The following ABCA13 variants were observed in gnomAD, a reference collection of about 807,000 sequenced individuals.
The protein encoded by ABCA13 is ATP binding cassette subfamily A member 13.
In ABCA13, 476 loss-of-function variants were observed where a neutral mutation model predicts 478.7. That is an observed-to-expected ratio of 0.99 (90% CI 0.92 to 1.07). ABCA13 has a LOEUF of 1.07. ABCA13 is among the 50% of genes least tolerant of loss of function. The pLI, the probability that ABCA13 is intolerant of heterozygous loss-of-function variation, is 0.00. For synonymous variants in ABCA13, 2,252 were observed against 2,158.9 expected (o/e 1.04, Z -1.20); for missense variants, 6,060 against 5,910.6 (o/e 1.03, Z -0.83).
At chr7:48,624,383 A>C (rs1312793299) in intron 59 of ABCA13, among the ~76,000 whole-genome samples, 5 of 152,236 alleles carry the variant, frequency 3.3e-5, no homozygotes, top group South Asian at 2.1e-4. Context: ...TGATTGACAT[A>C]GGAGGCTTAA....
intron 55 of ABCA13, among the ~76,000 whole-genome samples, chr7:48,545,297 T>C (rs141174791): frequency 6.6e-6 from 1 of 151,756 alleles, no homozygotes; most frequent in Non-Finnish European, 1.5e-5. Flanking sequence ...AGAAAGATAA[T>C]AGGAAAACAT....
intron 3 of ABCA13, among the ~76,000 whole-genome samples, chr7:48,199,767 C>A (rs1411831648): frequency 6.6e-6 from 1 of 152,174 alleles, no homozygotes; most frequent in African/African-American, 2.4e-5. Flanking sequence ...GAGCTTGAGA[C>A]TTAGCAGTGT....
chr7:48,506,809 G>A (rs1026521875), intron 49 of ABCA13, among the ~76,000 whole-genome samples: 2 of 152,156 alleles, frequency 1.3e-5, no homozygotes, highest in African/African-American at 4.8e-5. Flanking sequence ...CATGGGTGGG[G>A]ATAAGGCCAG....
intron 55 of ABCA13, among the ~76,000 whole-genome samples, chr7:48,561,235 T>C (rs1786426777): frequency 2.0e-5 from 3 of 152,170 alleles, no homozygotes; most frequent in Non-Finnish European, 1.5e-5. Context: ...AACATAATGA[T>C]TTCAAATCTT....
rs150155654 is a variant in ABCA13 at position 48,195,398 on chromosome 7, C to T, written c.163+2346C>T. On this transcript the variant is annotated intron_variant, in intron 2 of 61. Coordinates refer to ENST00000435803, the MANE Select transcript of ABCA13 (RefSeq NM_152701.5). ...ATCAACTTGTGGAACTCTTGAATAA[C>T]CAGGCAAGAGATGGTTGTGCCCTGA... Among the ~76,000 whole-genome samples, 36 of 152,262 alleles carry T rather than the reference C, an allele frequency of 2.4e-4. No individual in the cohort carries two copies. The East Asian group carries it at 6.8e-3, about 29-fold the overall frequency.
chr7:48,382,362 T>C (rs1221161640), intron 35 of ABCA13, among the ~76,000 whole-genome samples: 2 of 152,126 alleles, frequency 1.3e-5, no homozygotes, highest in Non-Finnish European at 2.9e-5. Flanking sequence ...ATAAATAATA[T>C]CCTCAGTGGC....
chr7:48,425,077 T>C (rs143034755), intron 41 of ABCA13, among the ~76,000 whole-genome samples: 16 of 152,316 alleles, frequency 1.1e-4, no homozygotes, highest in African/African-American at 3.8e-4. Context: ...TGCCGTACCA[T>C]AATTGATTGT....
chr7:48,525,670 CTTTTTTTT>C (rs538127881), intron 54 of ABCA13, among the ~76,000 whole-genome samples: 7 of 68,336 alleles, frequency 1.0e-4, no homozygotes, highest in African/African-American at 3.5e-4. Flanking sequence ...TTTAGATGCG[CTTTTTTTT>C]TTTTTTTTTT....
rs1301700231 is a variant in ABCA13, at chr7:48,235,379, C to T, written c.897+1228C>T. ...CTCATTATATTATAGTTTGAGTGAA[C>T]TATGTAAAACTTTTACCTTAGAATG... On this transcript the variant is annotated intron_variant, in intron 8 of 61. Transcript: ENST00000435803. Among the ~76,000 whole-genome samples, 4 of 152,104 alleles carry T rather than the reference C, an allele frequency of 2.6e-5. No homozygotes were observed. The East Asian group carries it at 7.7e-4, about 29-fold the overall frequency.
intron 32 of ABCA13, among the ~76,000 whole-genome samples, chr7:48,369,093 A>G (rs1251010865): frequency 6.6e-6 from 1 of 152,072 alleles, no homozygotes; most frequent in Non-Finnish European, 1.5e-5. Context: ...GATTATGGCC[A>G]TTCTTGCAGG....
intron 37 of ABCA13, 106 bp from the exon 38 acceptor site, chr7:48,391,815 G>A (rs1320413872): frequency 2.8e-5 from 29 of 1,049,428 alleles, no homozygotes; most frequent in Non-Finnish European, 3.7e-5. Context: ...AGCAGAAGGT[G>A]AGTGCTCTTG....
At chr7:48,469,201 A>T (rs1387429776) in intron 44 of ABCA13, among the ~76,000 whole-genome samples, 1 of 152,212 alleles carries the variant, frequency 6.6e-6, no homozygotes, top group Non-Finnish European at 1.5e-5. Flanking sequence ...TTAAAAAGAA[A>T]GTTATTAGAT....
chr7:48,418,872 T>G (rs781227952), intron 41 of ABCA13, among the ~76,000 whole-genome samples: 1 of 152,230 alleles, frequency 6.6e-6, no homozygotes, highest in Non-Finnish European at 1.5e-5. Flanking sequence ...TATTAGTCCA[T>G]TCTCACATTG....
chr7:48,319,611 A>G (rs1468765579), intron 27 of ABCA13, among the ~76,000 whole-genome samples: 1 of 152,192 alleles, frequency 6.6e-6, no homozygotes, highest in African/African-American at 2.4e-5. Context: ...AACCATCTGA[A>G]GTTGCCATTT....
At chr7:48,375,649 C>T (rs1813360970) in intron 34 of ABCA13, among the ~76,000 whole-genome samples, 1 of 151,664 alleles carries the variant, frequency 6.6e-6, no homozygotes, top group Non-Finnish European at 1.5e-5. Flanking sequence ...GAGGTAAAAC[C>T]ATGCTATAAG....
chr7:48,575,650 T>C (rs1788096712), intron 55 of ABCA13, among the ~76,000 whole-genome samples: 1 of 152,160 alleles, frequency 6.6e-6, no homozygotes, highest in South Asian at 2.1e-4. Flanking sequence ...TTAAAATTTA[T>C]AGCTTTTCCT....
intron 57 of ABCA13, among the ~76,000 whole-genome samples, chr7:48,593,943 T>A (rs1790025172): frequency 6.6e-6 from 1 of 152,138 alleles, no homozygotes; most frequent in Admixed American, 6.5e-5. Context: ...TGGATGTATG[T>A]CATGAGCCTT....
rs1027904391 is a variant in ABCA13, at chr7:48,357,751, C to T, written c.10688+5264C>T. Among the ~76,000 whole-genome samples the T allele has an allele frequency of 1.8e-4, 28 of 151,960 alleles. 2 individuals carry two copies. The highest frequency in any genetic ancestry group is 6.3e-4 in the African/African-American group (26 of 41,224). On this transcript the variant is annotated intron_variant, in intron 31 of 61. Coordinates refer to ENST00000435803, the MANE Select transcript of ABCA13 (RefSeq NM_152701.5). ...TCACAGCATCTTAATACCCCTCACT[C>T]CCCAAATAAACTATTAATTGCCACT... is the stretch of plus-strand genomic sequence containing the variant.
chr7:48,204,288 CA>C (rs1468211415), intron 3 of ABCA13, among the ~76,000 whole-genome samples: 1 of 151,812 alleles, frequency 6.6e-6, no homozygotes, highest in Non-Finnish European at 1.5e-5. Context: ...CGGCTCACTG[CA>C]ACCTCCGCCT....
Sources: gnomAD v4.1 joint callset for allele counts (sites outside exome capture counted in the v4.1 genomes callset) on GRCh38, gnomAD v4.1.1 for gene constraint, MANE v1.5 for transcripts, NCBI Gene and HGNC (gene_info 2026-07-23, HGNC 2026-07-21) for gene names.